SPART: variants seen among roughly 807,000 people sequenced by gnomAD.
SPART encodes spartin, also known as spastic paraplegia 20 (Troyer syndrome).
Under a neutral mutation model 58.7 loss-of-function variants are expected in SPART, and 35 were observed. That is an observed-to-expected ratio of 0.60 (90% confidence interval 0.46 to 0.79). SPART has a LOEUF of 0.79. SPART is among the 30% of genes least tolerant of loss of function. The probability of loss-of-function intolerance (pLI) is 0.00; values close to 1 mark genes in which losing one functional copy is unlikely to be tolerated. For missense variants in SPART, 730 were observed against 786.1 expected (o/e 0.93, Z 0.85); for synonymous variants, 284 against 280.7 (o/e 1.01, Z -0.12).
chr13:36,324,029 G>A (rs1882671701), intron 5 of SPART, among the ~76,000 whole-genome samples: 1 of 152,198 alleles, frequency 6.6e-6, no homozygotes, highest in South Asian at 2.1e-4. Context: ...ACCATGGTGT[G>A]CTATCTATAG....
rs1265280226 is a variant in SPART at position 36,335,234 on chromosome 13, C to T, written c.597G>A (p.Glu199=). 6.2e-7 allele frequency: 1 copy of T among 1,614,112 alleles called. No homozygotes were observed. Among genetic ancestry groups the T allele is most frequent in the South Asian group, 1.1e-5 (1 of 91,084 alleles). The change falls in exon 2 of 9, where the codon GAG becomes GAA. Residue 199 remains glutamate (E), a synonymous_variant. Transcript: ENST00000438666. ...TDSGEFSSVG[E]EFYRNHSQPP... ...GCTGAGAATGATTCCTATAAAACTC[C>T]TCTCCAACTGATGAAAACTCCCCAG...
At chr13:36,347,147 G>GA (rs35356839), upstream of SPART, among the ~76,000 whole-genome samples, 78 of 149,374 alleles carry the variant, frequency 5.2e-4, no homozygotes, top group Middle Eastern at 3.5e-3. Context: ...CTGCCTTAGG[G>GA]AAAAAAAAAC....
upstream of SPART, among the ~76,000 whole-genome samples, chr13:36,349,819 TG>T (rs1274778296): frequency 2.0e-5 from 3 of 152,028 alleles, no homozygotes; most frequent in Non-Finnish European, 4.4e-5. Context: ...CCAAGAAAGG[TG>T]GGGGAAAGTA....
At chr13:36,366,444 C>A (rs2137734808) in intron 1 of SPART, among the ~76,000 whole-genome samples, 1 of 152,306 alleles carries the variant, frequency 6.6e-6, no homozygotes, top group South Asian at 2.1e-4. Context: ...TTATATTTCT[C>A]TCCCTATTTC....
chr13:36,302,147 A>G lies in SPART; in HGVS notation c.*2218T>C, dbSNP rs963893552. On this transcript the variant is annotated 3_prime_UTR_variant, in exon 9 of 9. Coordinates refer to ENST00000438666, the MANE Select transcript of SPART (RefSeq NM_015087.5). The stretch of plus-strand genomic sequence containing the variant: ...GTAAGAAAATAGGAAGAACATACAT[A>G]TAGGTAATTGGCAGCTTTCCATGTC... 6 of 152,182 alleles carry G rather than the reference A, an allele frequency of 3.9e-5. No homozygotes were observed. Among genetic ancestry groups the G allele is most frequent in the African/African-American group, 1.4e-4 (6 of 41,450 alleles). 9.4% of individuals were successfully genotyped at this position (152,182 alleles called of 1,614,324 possible).
At chr13:36,365,520 T>G in intron 1 of SPART, 1 of 371,864 alleles carries the variant, frequency 2.7e-6, no homozygotes, top group South Asian at 2.3e-5. Flanking sequence ...AAGCCAAGTC[T>G]CTCTTCCTGG....
chr13:36,359,605 A>G (rs1179511565), intron 1 of SPART, among the ~76,000 whole-genome samples: 1 of 152,218 alleles, frequency 6.6e-6, no homozygotes, highest in African/African-American at 2.4e-5. Context: ...TTGTTGAGAA[A>G]GCAGTAACAA....
chr13:36,326,416 T>C (rs567065388), intron 5 of SPART, 159 bp downstream of exon 5: 2 of 809,834 alleles, frequency 2.5e-6, no homozygotes, highest in Non-Finnish European at 3.9e-6. Context: ...TATCTGATGT[T>C]TCAAAAGACT....
At position 36,312,469 on chromosome 13, in the gene SPART, C is replaced by T. The variant is rs200918681; in HGVS notation, c.1492G>A (p.Val498Ile). The T allele has an allele frequency of 1.3e-5, 21 of 1,614,078 alleles. No homozygotes were observed. In the African/African-American group the frequency reaches 2.3e-4, roughly 17 times the overall value. The change falls in exon 7 of 9, where the codon GTT becomes ATT. Residue 498 changes from valine to isoleucine, a missense_variant. Coordinates refer to ENST00000438666, the MANE Select transcript of SPART (RefSeq NM_015087.5). ...CCAACGCAATTTGCTACAGTGCAAA[C>T]TCCATCAACTAATATGACCATAAAA... ...AKVSQFLVDG[V>I]CTVANCVGKE...
upstream of SPART, among the ~76,000 whole-genome samples, chr13:36,349,460 A>G (rs1049353954): frequency 7.2e-5 from 11 of 152,190 alleles, no homozygotes; most frequent in South Asian, 4.1e-4. Flanking sequence ...GCCAGGCACC[A>G]TATTGCTTTC....
At chr13:36,325,580 G>A (rs998316882) in intron 5 of SPART, among the ~76,000 whole-genome samples, 3 of 152,012 alleles carry the variant, frequency 2.0e-5, no homozygotes, top group African/African-American at 7.2e-5. Context: ...AATGGTGACT[G>A]GCAATATTTT....
chr13:36,308,701 A>C (rs1880766221), intron 8 of SPART, among the ~76,000 whole-genome samples: 1 of 151,588 alleles, frequency 6.6e-6, no homozygotes, highest in African/African-American at 2.4e-5. Flanking sequence ...CTATTTTCTA[A>C]TATGATAATC....
At chr13:36,368,106 T>C (rs1264419158) in intron 1 of SPART, 3 of 413,308 alleles carry the variant, frequency 7.3e-6, no homozygotes, top group Non-Finnish European at 1.5e-5. Context: ...TTAAGGCTTA[T>C]CACTTTTCTT....
At chr13:36,336,198 C>T (rs558063505) in intron 1 of SPART, 28 of 171,592 alleles carry the variant, frequency 1.6e-4, no homozygotes, top group Non-Finnish European at 3.0e-4. Flanking sequence ...AATATAAATC[C>T]AGATTATATC....
At chr13:36,336,260 A>C (rs1241471687) in intron 1 of SPART, 1 of 158,326 alleles carries the variant, frequency 6.3e-6, no homozygotes, top group Non-Finnish European at 1.4e-5. Flanking sequence ...AGAAATGAGA[A>C]AAAAAAAGTG....
At chr13:36,338,987 A>G (rs1884294273) in intron 1 of SPART, among the ~76,000 whole-genome samples, 1 of 152,078 alleles carries the variant, frequency 6.6e-6, no homozygotes, top group Non-Finnish European at 1.5e-5. Flanking sequence ...ACACACAGAC[A>G]CACACACAGC....
intron 1 of SPART, among the ~76,000 whole-genome samples, chr13:36,353,418 C>G (rs146609039): frequency 2.0e-5 from 3 of 152,274 alleles, no homozygotes; most frequent in Admixed American, 6.5e-5. Flanking sequence ...TCAATGCCCT[C>G]CAGCCAAATA....
chr13:36,313,468 A>G (rs1881336568), intron 6 of SPART, among the ~76,000 whole-genome samples: 1 of 152,190 alleles, frequency 6.6e-6, no homozygotes, highest in Non-Finnish European at 1.5e-5. Context: ...AGTGTATAGT[A>G]ATGTCCTAGG....
upstream of SPART, among the ~76,000 whole-genome samples, chr13:36,349,081 T>C (rs994799356): frequency 3.3e-5 from 5 of 152,038 alleles, no homozygotes; most frequent in African/African-American, 1.2e-4. Context: ...CCGACCAACA[T>C]GAAGAAACCC....
Sources: gnomAD v4.1 joint callset for allele counts (sites outside exome capture counted in the v4.1 genomes callset) on GRCh38, gnomAD v4.1.1 for gene constraint, MANE v1.5 for transcripts, NCBI Gene and HGNC (gene_info 2026-07-23, HGNC 2026-07-21) for gene names.